Variants in SPMIP2 observed in about 807,000 individuals in gnomAD.
The protein encoded by SPMIP2 is sperm microtubule inner protein 2.
At chr4:159,054,377 C>G in the SPMIP2 span, among the ~76,000 whole-genome samples, 1 of 152,158 alleles carries the variant, frequency 6.6e-6, no homozygotes, top group East Asian at 1.9e-4. Flanking sequence ...ATGACCTCCC[C>G]TCCTCCATCT....
At chr4:158,895,654 TG>T in the SPMIP2 span, 4 of 744,186 alleles carry the variant, frequency 5.4e-6, no homozygotes, top group South Asian at 6.5e-5. Flanking sequence ...AGATAAAAGC[TG>T]TGTAGTTAGA....
At chr4:159,001,114 C>T in the SPMIP2 span, among the ~76,000 whole-genome samples, 4 of 152,156 alleles carry the variant, frequency 2.6e-5, no homozygotes, top group African/African-American at 9.7e-5. Flanking sequence ...TTTGCATTCC[C>T]ACTAGCAGTA....
At chr4:159,000,059 T>G in the SPMIP2 span, among the ~76,000 whole-genome samples, 1 of 152,204 alleles carries the variant, frequency 6.6e-6, no homozygotes, top group Non-Finnish European at 1.5e-5. Flanking sequence ...TGAGATGTAA[T>G]TGACATACAA....
chr4:158,934,820 T>A, the SPMIP2 span, among the ~76,000 whole-genome samples: 1 of 152,186 alleles, frequency 6.6e-6, no homozygotes, highest in Non-Finnish European at 1.5e-5. Context: ...TGTCTTTCTT[T>A]AAGCTATCTC....
At chr4:159,050,530 T>A in the SPMIP2 span, among the ~76,000 whole-genome samples, 1 of 152,120 alleles carries the variant, frequency 6.6e-6, no homozygotes, top group Non-Finnish European at 1.5e-5. Context: ...TAGCCAGGCA[T>A]GATGGCTCAC....
chr4:159,005,953 CAG>C, the SPMIP2 span, among the ~76,000 whole-genome samples: 6 of 152,068 alleles, frequency 3.9e-5, no homozygotes, highest in Non-Finnish European at 7.4e-5. Context: ...TTAGTAGAGA[CAG>C]AGTTTCGCCA....
At chr4:158,913,234 ATTT>A in the SPMIP2 span, among the ~76,000 whole-genome samples, 2 of 151,976 alleles carry the variant, frequency 1.3e-5, no homozygotes, top group Non-Finnish European at 2.9e-5. Context: ...TGTTGTTGTT[ATTT>A]TTTAAGACAG....
the SPMIP2 span, among the ~76,000 whole-genome samples, chr4:158,910,129 C>T: frequency 5.3e-5 from 8 of 152,210 alleles, no homozygotes; most frequent in Non-Finnish European, 1.2e-4. Flanking sequence ...GACCCTCCTG[C>T]CTCAGCTTCC....
At chr4:159,018,468 T>C in the SPMIP2 span, among the ~76,000 whole-genome samples, 1 of 152,190 alleles carries the variant, frequency 6.6e-6, no homozygotes, top group Non-Finnish European at 1.5e-5. Flanking sequence ...ACTATGTTGT[T>C]TTCTAGTTTG....
chr4:159,046,766 T>C, the SPMIP2 span, among the ~76,000 whole-genome samples: 1 of 152,234 alleles, frequency 6.6e-6, no homozygotes, highest in African/African-American at 2.4e-5. Context: ...AGAGACGGGC[T>C]TTCACCATGT....
the SPMIP2 span, among the ~76,000 whole-genome samples, chr4:158,914,092 G>A: frequency 1.6e-4 from 24 of 152,194 alleles, no homozygotes; most frequent in African/African-American, 3.1e-4. Flanking sequence ...TGGATTTGGC[G>A]AATGATAGAG....
At chr4:158,947,215 C>A in the SPMIP2 span, among the ~76,000 whole-genome samples, 1 of 151,918 alleles carries the variant, frequency 6.6e-6, no homozygotes, top group African/African-American at 2.4e-5. Context: ...CACTGACAGT[C>A]TTAAAAACAG....
the SPMIP2 span, chr4:158,904,485 C>CCT: frequency 1.9e-6 from 3 of 1,613,178 alleles, no homozygotes; most frequent in Non-Finnish European, 2.5e-6. Flanking sequence ...CAACGACCTG[C>CCT]CTCTGTTGAC....
chr4:159,052,987 C>G, the SPMIP2 span, among the ~76,000 whole-genome samples: 4 of 127,372 alleles, frequency 3.1e-5, no homozygotes, highest in East Asian at 4.9e-4. Context: ...GACGGAGTCT[C>G]GCTCTGTCGC....
chr4:158,994,001 G>A, the SPMIP2 span, among the ~76,000 whole-genome samples: 1 of 152,148 alleles, frequency 6.6e-6, no homozygotes, highest in Non-Finnish European at 1.5e-5. Context: ...AACACTATGA[G>A]GCTTATTGTA....
chr4:159,038,449 T>C, the SPMIP2 span, among the ~76,000 whole-genome samples: 1 of 152,250 alleles, frequency 6.6e-6, no homozygotes, highest in African/African-American at 2.4e-5. Flanking sequence ...ATGAACTATC[T>C]AGTCTTACCT....
chr4:158,921,305 GGTGGCATGCATTT>G, the SPMIP2 span, among the ~76,000 whole-genome samples: 5 of 152,180 alleles, frequency 3.3e-5, no homozygotes, highest in African/African-American at 1.2e-4. Flanking sequence ...AGCCAGCCAT[GGTGGCATGCATTT>G]GTAATTCCAG....
the SPMIP2 span, among the ~76,000 whole-genome samples, chr4:158,956,067 C>T: frequency 7.0e-6 from 1 of 142,340 alleles, no homozygotes; most frequent in Non-Finnish European, 1.6e-5. Context: ...TTGCATTAAA[C>T]TCTTCCTCTC....
the SPMIP2 span, among the ~76,000 whole-genome samples, chr4:158,977,250 T>C: frequency 1.3e-5 from 2 of 152,200 alleles, no homozygotes; most frequent in African/African-American, 4.8e-5. Flanking sequence ...GGTAGGCTAT[T>C]AATTACTACC....
Sources: allele counts gnomAD v4.1 joint callset (sites outside exome capture counted in the v4.1 genomes callset), GRCh38; gene constraint gnomAD v4.1.1; transcripts MANE v1.5; gene names NCBI Gene and HGNC (gene_info 2026-07-23, HGNC 2026-07-21).